The following ACLY variants were observed in gnomAD, a reference collection of about 807,000 sequenced individuals.
ACLY encodes the protein ATP citrate lyase, also known as ATP-citrate synthase.
Under a neutral mutation model 133.0 loss-of-function variants are expected in ACLY, and 41 were observed. The ratio of observed to expected loss-of-function variants is 0.31; its 90% CI spans 0.24 to 0.40. The LOEUF is 0.40. Ranked by LOEUF, ACLY falls within the 10% of genes least tolerant of loss-of-function variation. The probability of loss-of-function intolerance (pLI) is 1.00; values close to 1 mark genes in which losing one functional copy is unlikely to be tolerated. For synonymous variants in ACLY, 495 were observed against 549.3 expected, an observed-to-expected ratio of 0.90 and a Z score of 1.38; for missense variants, 1,046 against 1,453.8, an observed-to-expected ratio of 0.72 and a Z score of 4.56.
intron 22 of ACLY, among the ~76,000 whole-genome samples, chr17:41,876,211 C>T (rs546330929): frequency 1.2e-3 from 178 of 150,396 alleles, no homozygotes; most frequent in African/African-American, 4.2e-3. Flanking sequence ...GGAGCGTCTT[C>T]GCCCGGCAGC....
chr17:41,905,486 A>C (rs781918417), intron 9 of ACLY, 36 bp downstream of exon 9: 1 of 1,613,344 alleles, frequency 6.2e-7, no homozygotes, highest in Non-Finnish European at 8.5e-7. Context: ...GTCCTGGGGA[A>C]GTGGGGACAG....
intron 1 of ACLY, among the ~76,000 whole-genome samples, chr17:41,918,144 C>T (rs1209502333): frequency 6.6e-6 from 1 of 152,238 alleles, no homozygotes; most frequent in African/African-American, 2.4e-5. Context: ...CAGCATCCTC[C>T]AGCCCCTTGA....
In ACLY at chr17:41,878,921, G is replaced by A; in HGVS notation, c.2269C>T (p.Gln757Ter). 1 of 1,614,046 alleles carries A rather than the reference G, an allele frequency of 6.2e-7. No individual in the cohort carries two copies. Among genetic ancestry groups the A allele is most frequent in the Non-Finnish European group, 8.5e-7 (1 of 1,179,972 alleles). Residue 757 changes from glutamine (Q) to a stop codon, truncating the protein, a stop_gained, in exon 21 of 29, where the codon CAG becomes TAG. Coordinates refer to ENST00000352035, the MANE Select transcript of ACLY (RefSeq NM_001096.3). LOFTEE classifies it high-confidence loss of function. ...TCATMFSSEVQFGHAGACANQ... is the reference protein window; with the variant it reads ...TCATMFSSEV ...GCACAAGCTCCAGCATGGCCAAACT[G>A]GACCTGGAAAGCAAAGGAAAGTAGC...
At chr17:41,868,846 A>T in intron 27 of ACLY, 61 bp from the exon 28 acceptor site, 2 of 1,525,806 alleles carry the variant, frequency 1.3e-6, no homozygotes, top group Non-Finnish European at 1.8e-6. Context: ...CTCCCCACAG[A>T]CAGTACTACT....
At chr17:41,873,577 C>T (rs1359640221) in intron 23 of ACLY, among the ~76,000 whole-genome samples, 1 of 152,244 alleles carries the variant, frequency 6.6e-6, no homozygotes, top group Non-Finnish European at 1.5e-5. Flanking sequence ...CTCTATCTTG[C>T]TGTCAAGAGA....
Position 41,904,588 on chromosome 17 carries a change from G to C in ACLY, c.1065+141C>G, listed in dbSNP as rs966567423. 78 of 734,780 alleles carry C rather than the reference G, an allele frequency of 1.1e-4. 1 individual carries two copies. In the Middle Eastern group the frequency reaches 1.5e-3, roughly 15 times the overall value. 45.5% of individuals were successfully genotyped at this position (734,780 alleles called of 1,614,324 possible). On this transcript the variant is annotated intron_variant, in intron 10 of 28. Transcript: ENST00000352035. Reference sequence around the variant, plus strand: ...CCCAGTGTCTTCTCCACCCCTTTAAGAGACCCTGGGGCAAGAGCTCCCTAC... The same window carrying C: ...CCCAGTGTCTTCTCCACCCCTTTAACAGACCCTGGGGCAAGAGCTCCCTAC...
intron 11 of ACLY, among the ~76,000 whole-genome samples, chr17:41,900,067 T>C (rs1436299973): frequency 2.3e-4 from 2 of 8,832 alleles, no homozygotes; most frequent in Admixed American, 2.3e-3. Flanking sequence ...AGACCCTGTC[T>C]CCAAAAAAAA....
intron 8 of ACLY, among the ~76,000 whole-genome samples, chr17:41,905,981 C>T (rs2049704280): frequency 6.6e-6 from 1 of 152,136 alleles, no homozygotes; most frequent in Admixed American, 6.5e-5. Context: ...TGACGGGCTA[C>T]CCAAGAGAAA....
At chr17:41,899,821 A>G (rs782552869) in intron 11 of ACLY, among the ~76,000 whole-genome samples, 17 of 152,064 alleles carry the variant, frequency 1.1e-4, no homozygotes, top group Admixed American at 3.3e-4. Context: ...AGGCAGGTGG[A>G]TCGCTTGAGT....
rs539719145 is a variant in ACLY, at chr17:41,875,835, C to T, written c.2488-1870G>A. 1.0e-2 allele frequency among the ~76,000 whole-genome samples: 1,516 copies of T among 152,216 alleles called. 25 individuals carry two copies. Among genetic ancestry groups the T allele is most frequent in the African/African-American group, 0.035 (1,452 of 41,524 alleles). On this transcript the variant is annotated intron_variant, in intron 22 of 28. Coordinates refer to ENST00000352035, the MANE Select transcript of ACLY (RefSeq NM_001096.3). Reference sequence around the variant, plus strand: ...CGCCTGCCTTGGCCTCCCAAAGTGCCGAGATTGCAGCCTCTGCCCGGCCGC... The same window carrying T: ...CGCCTGCCTTGGCCTCCCAAAGTGCTGAGATTGCAGCCTCTGCCCGGCCGC...
At chr17:41,894,376 CAAAAAAAAAA>C (rs11351286) in intron 14 of ACLY, among the ~76,000 whole-genome samples, 2 of 59,952 alleles carry the variant, frequency 3.3e-5, no homozygotes, top group African/African-American at 1.3e-4. Flanking sequence ...GACCCTGTCT[CAAAAAAAAAA>C]AAAAAAAAAA....
chr17:41,883,721 A>AT (rs2048980111), intron 19 of ACLY, among the ~76,000 whole-genome samples: 2 of 150,868 alleles, frequency 1.3e-5, no homozygotes, highest in Non-Finnish European at 2.9e-5. Context: ...AGTGGTTGGG[A>AT]TTACAAGTGT....
At chr17:41,871,875 T>C in intron 24 of ACLY, 43 bp from the exon 25 acceptor site, 2 of 1,609,988 alleles carry the variant, frequency 1.2e-6, no homozygotes, top group Non-Finnish European at 1.7e-6. Context: ...CTTTAAGAGT[T>C]TCCTTCAGCT....
chr17:41,904,598 G>T, intron 10 of ACLY, 131 bp downstream of exon 10: 1 of 825,544 alleles, frequency 1.2e-6, no homozygotes, highest in Non-Finnish European at 2.0e-6. Context: ...GAGACCCTGG[G>T]GCAAGAGCTC....
At chr17:41,894,280 C>T (rs1457908544) in intron 14 of ACLY, among the ~76,000 whole-genome samples, 3 of 145,638 alleles carry the variant, frequency 2.1e-5, no homozygotes, top group Middle Eastern at 3.6e-3. Flanking sequence ...CTTGGGAAAC[C>T]AACACACAAT....
At chr17:41,874,158 T>C (rs1316954953) in intron 22 of ACLY, among the ~76,000 whole-genome samples, 193 bp from the exon 23 acceptor site, 3 of 152,350 alleles carry the variant, frequency 2.0e-5, no homozygotes, top group South Asian at 4.1e-4. Context: ...ATTTTGGACA[T>C]AGAAAACAGG....
intron 23 of ACLY, among the ~76,000 whole-genome samples, chr17:41,872,822 T>G (rs909641282): frequency 3.1e-4 from 47 of 152,160 alleles, no homozygotes; most frequent in African/African-American, 1.1e-3. Context: ...TCCTGTAGTA[T>G]TCAACCTCCC....
intron 22 of ACLY, among the ~76,000 whole-genome samples, chr17:41,876,251 G>A (rs1555626136): frequency 5.3e-5 from 8 of 150,866 alleles, no homozygotes; most frequent in African/African-American, 2.0e-4. Flanking sequence ...ATGGGGGTCA[G>A]CCCCCCGCCC....
At chr17:41,899,900 G>A (rs2049479344) in intron 11 of ACLY, among the ~76,000 whole-genome samples, 1 of 151,438 alleles carries the variant, frequency 6.6e-6, no homozygotes, top group Non-Finnish European at 1.5e-5. Flanking sequence ...CCAGGTGTGT[G>A]CTAATTTTTT....
Sources: allele counts gnomAD v4.1 joint callset (sites outside exome capture counted in the v4.1 genomes callset), GRCh38; gene constraint gnomAD v4.1.1; transcripts MANE v1.5; gene names NCBI Gene and HGNC (gene_info 2026-07-23, HGNC 2026-07-21).